The following PPFIA2 variants were observed in gnomAD, a reference collection of about 807,000 sequenced individuals.
PPFIA2 encodes the protein PPFI scaffold protein A2.
A neutral mutation model predicts 175.5 loss-of-function variants in PPFIA2; 46 were observed. The ratio of observed to expected loss-of-function variants is 0.26; its 90% CI spans 0.21 to 0.34. The LOEUF is 0.34. Among genes scored for constraint, PPFIA2 ranks in the 10% least tolerant of loss-of-function variants. The probability of loss-of-function intolerance (pLI) is 1.00; values close to 1 mark genes in which losing one functional copy is unlikely to be tolerated. For missense variants in PPFIA2, 1,179 were observed against 1,506.1 expected (o/e 0.78, Z 3.60); for synonymous variants, 568 against 511.4 (o/e 1.11, Z -1.49).
intron 32 of PPFIA2, chr12:81,260,916 T>G (rs1442177994): frequency 1.3e-5 from 2 of 152,198 alleles, no homozygotes. Flanking sequence ...ATTATGAACA[T>G]TTGACATTTA....
intron 4 of PPFIA2, among the ~76,000 whole-genome samples, chr12:81,563,296 T>C (rs1409293577): frequency 1.3e-5 from 2 of 152,182 alleles, no homozygotes; most frequent in Non-Finnish European, 2.9e-5. Context: ...TATACACTAT[T>C]GACAGCACTT....
rs1380290443 is a variant in PPFIA2, at chr12:81,344,617, A to C, written c.2262+47T>G. The C allele has an allele frequency of 2.2e-6, 3 of 1,363,798 alleles. No homozygotes were observed. The African/African-American group carries it at 4.4e-5, about 20-fold the overall frequency. The allele number at this position is 1,363,798 out of a possible 1,614,324, so 84.5% of individuals were successfully genotyped here. A position where few individuals can be genotyped will look rare whatever the true frequency, so the allele number is the denominator to read the frequency against. ...AATATTATTTTAAAGCTTTCATAGA[A>C]TAAAACAGTATTCAATTCGTAATGA... On this transcript the variant is annotated intron_variant, in intron 19 of 32. Transcript: ENST00000549396.
intron 4 of PPFIA2, among the ~76,000 whole-genome samples, chr12:81,667,000 C>A (rs1479399702): frequency 6.6e-6 from 1 of 152,020 alleles, no homozygotes; most frequent in Non-Finnish European, 1.5e-5. Flanking sequence ...ATTTTATTAA[C>A]TTTTAATAAA....
intron 3 of PPFIA2, among the ~76,000 whole-genome samples, chr12:81,706,363 T>C (rs989131675): frequency 5.3e-5 from 8 of 152,226 alleles, no homozygotes; most frequent in South Asian, 2.1e-4. Context: ...AAATTTGAAA[T>C]GCATTTACAG....
chr12:81,409,432 C>T (rs1487477344), intron 7 of PPFIA2, among the ~76,000 whole-genome samples: 3 of 152,012 alleles, frequency 2.0e-5, no homozygotes, highest in Non-Finnish European at 2.9e-5. Flanking sequence ...TGGATTAAGG[C>T]TGTTATCTCT....
At position 81,260,976 on chromosome 12, in the gene PPFIA2, C is replaced by T. The variant is rs569802718; in HGVS notation, c.*33+973G>A. ...CTATTAAGACTGTTTTTCAATAAAA[C>T]CTCATTTTTATATGGATTTTAAAGT... On this transcript the variant is annotated intron_variant, in intron 32 of 32. Coordinates refer to ENST00000549396, the MANE Select transcript of PPFIA2 (RefSeq NM_003625.5). 9.3e-4 allele frequency: 140 copies of T among 150,610 alleles called. 1 individual carries two copies. Among genetic ancestry groups the T allele is most frequent in the African/African-American group, 3.2e-3 (133 of 41,198 alleles). 9.3% of individuals were successfully genotyped at this position (150,610 alleles called of 1,614,324 possible).
At chr12:81,473,047 C>T (rs763315620) in intron 4 of PPFIA2, 1 of 152,200 alleles carries the variant, frequency 6.6e-6, no homozygotes, top group East Asian at 1.9e-4. Context: ...TATCCTGTAG[C>T]TATTTACTCA....
intron 4 of PPFIA2, among the ~76,000 whole-genome samples, chr12:81,541,256 C>T (rs941521991): frequency 1.3e-5 from 2 of 151,720 alleles, no homozygotes; most frequent in African/African-American, 4.8e-5. Context: ...CATTGGCAGG[C>T]ATTTTCTTTT....
At chr12:81,319,960 C>G (rs2053295158) in intron 22 of PPFIA2, among the ~76,000 whole-genome samples, 1 of 151,952 alleles carries the variant, frequency 6.6e-6, no homozygotes, top group Non-Finnish European at 1.5e-5. Flanking sequence ...CAGACTTTTA[C>G]TTTCTGTGTA....
intron 30 of PPFIA2, among the ~76,000 whole-genome samples, chr12:81,264,049 C>T (rs556398690): frequency 1.3e-5 from 2 of 152,032 alleles, no homozygotes; most frequent in African/African-American, 4.8e-5. Context: ...ATAATATTAC[C>T]CTGGTTACAT....
intron 4 of PPFIA2, among the ~76,000 whole-genome samples, chr12:81,571,314 G>A (rs1021994757): frequency 3.9e-5 from 6 of 151,956 alleles, no homozygotes; most frequent in African/African-American, 1.4e-4. Context: ...GAAGGAAGAA[G>A]GAAAAAATAT....
At chr12:81,633,350 G>C (rs945967806) in intron 4 of PPFIA2, among the ~76,000 whole-genome samples, 1 of 152,062 alleles carries the variant, frequency 6.6e-6, no homozygotes, top group Non-Finnish European at 1.5e-5. Context: ...CCACATGCTG[G>C]AGTCATGTGC....
chr12:81,431,470 C>G (rs2144517027), intron 7 of PPFIA2: 1 of 152,256 alleles, frequency 6.6e-6, no homozygotes, highest in East Asian at 1.9e-4. Context: ...CATTAACAAT[C>G]CAATCTGCCT....
intron 4 of PPFIA2, among the ~76,000 whole-genome samples, chr12:81,589,042 A>G (rs2153439610): frequency 6.6e-6 from 1 of 152,286 alleles, no homozygotes; most frequent in Non-Finnish European, 1.5e-5. Context: ...AAATCAGAAT[A>G]CCAGCAATGA....
At chr12:81,417,059 C>T (rs1251126763) in intron 7 of PPFIA2, among the ~76,000 whole-genome samples, 1 of 151,694 alleles carries the variant, frequency 6.6e-6, no homozygotes, top group African/African-American at 2.4e-5. Flanking sequence ...TTTGAGCAAA[C>T]ACTGTTAATA....
chr12:81,595,275 A>G (rs901610531), intron 4 of PPFIA2, among the ~76,000 whole-genome samples: 4 of 151,482 alleles, frequency 2.6e-5, no homozygotes, highest in Non-Finnish European at 5.9e-5. Context: ...ACATATATAT[A>G]TATGTTTGTT....
At chr12:81,453,354 T>A (rs2053002483) in intron 5 of PPFIA2, among the ~76,000 whole-genome samples, 1 of 152,152 alleles carries the variant, frequency 6.6e-6, no homozygotes, top group Non-Finnish European at 1.5e-5. Context: ...TTCTTCACGC[T>A]GACATTCACA....
At chr12:81,578,507 T>C (rs905434190) in intron 4 of PPFIA2, among the ~76,000 whole-genome samples, 2 of 151,820 alleles carry the variant, frequency 1.3e-5, no homozygotes, top group Admixed American at 6.6e-5. Context: ...TATCTCACTT[T>C]TAAAAAGAAC....
At chr12:81,647,944 G>C (rs1447604680) in intron 4 of PPFIA2, among the ~76,000 whole-genome samples, 1 of 145,208 alleles carries the variant, frequency 6.9e-6, no homozygotes, top group African/African-American at 2.5e-5. Context: ...AATTAAAGGA[G>C]GCTTCTTGTC....
Sources: gnomAD v4.1 joint callset for allele counts (sites outside exome capture counted in the v4.1 genomes callset) on GRCh38, gnomAD v4.1.1 for gene constraint, MANE v1.5 for transcripts, NCBI Gene and HGNC (gene_info 2026-07-23, HGNC 2026-07-21) for gene names.